The following AXDND1 variants were observed in gnomAD, a reference collection of about 807,000 sequenced individuals.
The protein encoded by AXDND1 is axonemal dynein light chain domain containing 1, also known as axonemal dynein light chain domain-containing protein 1.
Under a neutral mutation model 137.5 loss-of-function variants are expected in AXDND1, and 110 were observed. The ratio of observed to expected loss-of-function variants is 0.80; its 90% CI spans 0.69 to 0.94. The LOEUF is 0.94. AXDND1 is among the 40% of genes least tolerant of loss of function. AXDND1 has a pLI of 0.00. For missense variants in AXDND1, 1,191 were observed against 1,169.8 expected (o/e 1.02, Z -0.26); for synonymous variants, 414 against 399.7 (o/e 1.04, Z -0.43).
At chr1:179,426,603 C>T (rs115999360) in intron 12 of AXDND1, among the ~76,000 whole-genome samples, 3,122 of 152,150 alleles carry the variant, frequency 0.021, 51 homozygotes, top group Non-Finnish European at 0.032. Flanking sequence ...CATTCCATTC[C>T]TAAGAAATAC....
intron 21 of AXDND1, among the ~76,000 whole-genome samples, chr1:179,518,412 C>T (rs577626824): frequency 5.3e-5 from 7 of 131,250 alleles, no homozygotes; most frequent in Admixed American, 3.1e-4. Flanking sequence ...CTTTTAAGTT[C>T]GGGGTACATG....
intron 2 of AXDND1, 87 bp downstream of exon 2, chr1:179,366,693 T>C (rs1325302635): frequency 2.7e-6 from 3 of 1,103,564 alleles, no homozygotes; most frequent in Admixed American, 3.9e-5. Context: ...AAATCTGATA[T>C]TCAGAATACC....
At chr1:179,531,275 T>A (rs1671015407) in intron 23 of AXDND1, among the ~76,000 whole-genome samples, 1 of 152,130 alleles carries the variant, frequency 6.6e-6, no homozygotes, top group South Asian at 2.1e-4. Flanking sequence ...TCTACAATAA[T>A]GATGTTATTT....
chr1:179,375,455 T>C (rs899452434), intron 4 of AXDND1, among the ~76,000 whole-genome samples: 11 of 150,938 alleles, frequency 7.3e-5, no homozygotes, highest in African/African-American at 2.4e-4. Context: ...AAATATTGTG[T>C]GTATAATATA....
chr1:179,424,928 A>G (rs1656336160), intron 12 of AXDND1, among the ~76,000 whole-genome samples: 1 of 152,048 alleles, frequency 6.6e-6, no homozygotes, highest in South Asian at 2.1e-4. Flanking sequence ...CATTTCTCTG[A>G]TAAATTTCTG....
intron 18 of AXDND1, among the ~76,000 whole-genome samples, chr1:179,486,047 A>G (rs1441672959): frequency 7.0e-6 from 1 of 143,726 alleles, no homozygotes; most frequent in East Asian, 2.2e-4. Context: ...TGAACTTGGG[A>G]GGCGGAGGTT....
intron 25 of AXDND1, chr1:179,552,324 T>G: frequency 2.0e-6 from 1 of 500,186 alleles, no homozygotes; most frequent in Non-Finnish European, 3.7e-6. Flanking sequence ...AGAAGAGGGA[T>G]TGATGTGTGT....
intron 16 of AXDND1, chr1:179,455,258 G>A (rs1298131490): frequency 7.5e-6 from 1 of 133,442 alleles, no homozygotes; most frequent in Non-Finnish European, 1.6e-5. Context: ...CTAGGGGAGA[G>A]AGTGAGACTC....
At chr1:179,470,641 A>C (rs1286282525) in intron 17 of AXDND1, among the ~76,000 whole-genome samples, 1 of 152,124 alleles carries the variant, frequency 6.6e-6, no homozygotes, top group Non-Finnish European at 1.5e-5. Flanking sequence ...ACATCCCAAA[A>C]CCTTACTGAA....
At chr1:179,443,285 A>G (rs1211763780) in intron 15 of AXDND1, among the ~76,000 whole-genome samples, 1 of 152,206 alleles carries the variant, frequency 6.6e-6, no homozygotes, top group Admixed American at 6.5e-5. Context: ...GGGTAGTTCA[A>G]TGCTATTATC....
chr1:179,430,661 C>A, intron 14 of AXDND1, 55 bp downstream of exon 14: 1 of 1,535,386 alleles, frequency 6.5e-7, no homozygotes, highest in South Asian at 1.2e-5. Context: ...ATAACTCAGT[C>A]AAATTCTCTG....
chr1:179,384,365 T>C (rs796375613), intron 8 of AXDND1, among the ~76,000 whole-genome samples: 2 of 152,334 alleles, frequency 1.3e-5, no homozygotes, highest in African/African-American at 4.8e-5. Flanking sequence ...AACAAGGACA[T>C]TCTCTTATAT....
At chr1:179,483,518 A>G (rs1665675762) in intron 18 of AXDND1, among the ~76,000 whole-genome samples, 2 of 152,204 alleles carry the variant, frequency 1.3e-5, no homozygotes, top group Admixed American at 6.5e-5. Context: ...ATGAATAAGA[A>G]AAAGGGTAAC....
chr1:179,431,254 AC>A (rs1460691983), intron 14 of AXDND1, among the ~76,000 whole-genome samples: 2 of 151,836 alleles, frequency 1.3e-5, no homozygotes, highest in Non-Finnish European at 2.9e-5. Flanking sequence ...CGATTCTCCC[AC>A]CTCAGCCTCC....
At chr1:179,412,561 G>C (rs918632366) in intron 12 of AXDND1, among the ~76,000 whole-genome samples, 1 of 152,054 alleles carries the variant, frequency 6.6e-6, no homozygotes, top group Admixed American at 6.6e-5. Flanking sequence ...TAATATACTA[G>C]ATAGTGGAAT....
rs370080339 is a variant in AXDND1, at chr1:179,386,033, G to GATT, written c.863+675_863+677dup. On this transcript the variant is annotated intron_variant, in intron 9 of 25. Coordinates refer to ENST00000367618, the MANE Select transcript of AXDND1 (RefSeq NM_144696.6). ...CGTAATGTGTGTTTTTCCTGGAGCT[G>GATT]ATTTTAGGATTTTTTCCTTTTTTTT... Among the ~76,000 whole-genome samples the GATT allele has an allele frequency of 3.1e-3, 448 of 144,344 alleles. 2 individuals are homozygous for GATT. Among genetic ancestry groups the GATT allele is most frequent in the African/African-American group, 0.011 (437 of 39,266 alleles). 94.7% of individuals were successfully genotyped at this position (144,344 alleles called of 152,430 possible). A position where few individuals can be genotyped will look rare whatever the true frequency, so the allele number is the denominator to read the frequency against.
At chr1:179,374,246 A>G (rs1668345729) in intron 4 of AXDND1, among the ~76,000 whole-genome samples, 1 of 152,232 alleles carries the variant, frequency 6.6e-6, no homozygotes, top group African/African-American at 2.4e-5. Context: ...GTTGGCCATC[A>G]GAGAAATGCA....
intron 25 of AXDND1, chr1:179,544,167 C>G (rs564338265): frequency 6.6e-6 from 1 of 152,336 alleles, no homozygotes; most frequent in Non-Finnish European, 1.5e-5. Context: ...AGCATTTTCT[C>G]TTTAAGTCAC....
chr1:179,375,375 A>G (rs915193795), intron 4 of AXDND1, among the ~76,000 whole-genome samples: 1 of 152,006 alleles, frequency 6.6e-6, no homozygotes, highest in Admixed American at 6.6e-5. Flanking sequence ...AAATACTAGG[A>G]TTATAGGCGC....
Sources: gnomAD v4.1 joint callset for allele counts (sites outside exome capture counted in the v4.1 genomes callset) on GRCh38, gnomAD v4.1.1 for gene constraint, MANE v1.5 for transcripts, NCBI Gene and HGNC (gene_info 2026-07-23, HGNC 2026-07-21) for gene names.